THNSL1: variants seen among roughly 807,000 people sequenced by gnomAD.
THNSL1 encodes the protein threonine synthase like 1, also known as threonine synthase-like 1.
Under a neutral mutation model 50.4 loss-of-function variants are expected in THNSL1, and 48 were observed. That is an observed-to-expected ratio of 0.95 (90% CI 0.76 to 1.21). THNSL1 has a LOEUF of 1.21. THNSL1 is among the 50% of genes most tolerant of loss of function. The pLI is 0.00. For synonymous variants in THNSL1, 309 were observed against 306.1 expected, an observed-to-expected ratio of 1.01 and a Z score of -0.10; for missense variants, 896 against 871.7, an observed-to-expected ratio of 1.03 and a Z score of -0.35.
At chr10:24,986,188 T>C in the THNSL1 span, among the ~76,000 whole-genome samples, 2 of 152,236 alleles carry the variant, frequency 1.3e-5, no homozygotes, top group African/African-American at 4.8e-5. Flanking sequence ...TATATAATTA[T>C]GCTGTCATAG....
chr10:24,971,661 G>C, the THNSL1 span, among the ~76,000 whole-genome samples: 10 of 152,092 alleles, frequency 6.6e-5, no homozygotes, highest in Non-Finnish European at 1.2e-4. Context: ...TTTTAAAAAA[G>C]GTAACATCTA....
the THNSL1 span, among the ~76,000 whole-genome samples, chr10:24,960,671 C>A: frequency 6.6e-6 from 1 of 152,090 alleles, no homozygotes; most frequent in Non-Finnish European, 1.5e-5. Flanking sequence ...AAGTGATCCA[C>A]CTGCCTCAGC....
At chr10:24,990,583 T>A in the THNSL1 span, 1 of 1,612,210 alleles carries the variant, frequency 6.2e-7, no homozygotes, top group Non-Finnish European at 8.5e-7. Context: ...TTCGCTTACA[T>A]ATGTATTCAG....
At chr10:25,015,499 A>G (rs1850546764), upstream of THNSL1, among the ~76,000 whole-genome samples, 1 of 152,218 alleles carries the variant, frequency 6.6e-6, no homozygotes, top group African/African-American at 2.4e-5. Context: ...CCAAACATCA[A>G]GTATCCTTAA....
At chr10:24,988,702 A>ATG in the THNSL1 span, among the ~76,000 whole-genome samples, 115 of 41,164 alleles carry the variant, frequency 2.8e-3, 3 homozygotes, top group African/African-American at 0.014. Context: ...ATATATATAT[A>ATG]TATATATATA....
At chr10:24,995,756 T>C in the THNSL1 span, 2 of 1,614,084 alleles carry the variant, frequency 1.2e-6, no homozygotes, top group Non-Finnish European at 1.7e-6. Context: ...CCCATGATGA[T>C]ATCAGCTGCA....
the THNSL1 span, among the ~76,000 whole-genome samples, chr10:24,990,000 C>T: frequency 1.3e-5 from 2 of 151,996 alleles, no homozygotes; most frequent in East Asian, 3.9e-4. Context: ...AACCTAGCAC[C>T]TGTTTATTTA....
At chr10:24,957,580 A>G in the THNSL1 span, among the ~76,000 whole-genome samples, 64,631 of 151,676 alleles carry the variant, frequency 0.43, 14,049 homozygotes, top group African/African-American at 0.53. Context: ...TCTCAGATTC[A>G]GGTGATTGTC....
the THNSL1 span, among the ~76,000 whole-genome samples, chr10:24,990,898 G>A: frequency 6.6e-6 from 1 of 152,108 alleles, no homozygotes; most frequent in Non-Finnish European, 1.5e-5. Flanking sequence ...TCAGGAGTTC[G>A]AGACCAGCCT....
At chr10:24,985,528 G>A in the THNSL1 span, among the ~76,000 whole-genome samples, 1 of 152,160 alleles carries the variant, frequency 6.6e-6, no homozygotes, top group Non-Finnish European at 1.5e-5. Flanking sequence ...ATAAATGATT[G>A]AAAGGTCATT....
At chr10:25,020,186 A>T (rs1850688454) in intron 1 of THNSL1, among the ~76,000 whole-genome samples, 1 of 151,830 alleles carries the variant, frequency 6.6e-6, no homozygotes, top group African/African-American at 2.4e-5. Context: ...TGTTTGTGGG[A>T]AATAATATTG....
chr10:24,971,107 T>G, the THNSL1 span, among the ~76,000 whole-genome samples: 1 of 135,188 alleles, frequency 7.4e-6, no homozygotes, highest in Admixed American at 7.2e-5. Context: ...ACTCACTGCT[T>G]TTTTTTTTTT....
At chr10:25,009,502 T>A in the THNSL1 span, among the ~76,000 whole-genome samples, 1 of 152,194 alleles carries the variant, frequency 6.6e-6, no homozygotes, top group African/African-American at 2.4e-5. Flanking sequence ...TAAATCCTTG[T>A]TGATAAGGTA....
chr10:24,984,613 T>C, the THNSL1 span: 3 of 1,077,256 alleles, frequency 2.8e-6, no homozygotes, highest in African/African-American at 1.6e-5. Context: ...CTAAGCATTC[T>C]GATTAAGACT....
upstream of THNSL1, among the ~76,000 whole-genome samples, chr10:25,013,294 T>TAAATTTGC: frequency 6.6e-6 from 1 of 152,354 alleles, no homozygotes; most frequent in African/African-American, 2.4e-5. Flanking sequence ...ACATATTTAT[T>TAAATTTGC]AAATTTGCAA....
In THNSL1 at chr10:25,021,978, A is replaced by T. The variant is rs1418308507; in HGVS notation, c.-49+70A>T. ...TTACAGAACAGAGTTTAAGTAGCATAGAAAGTCAGTATTACATGATTAAAA... is the reference window on the plus strand; with the variant it reads ...TTACAGAACAGAGTTTAAGTAGCATTGAAAGTCAGTATTACATGATTAAAA... On this transcript the variant is annotated intron_variant, in intron 2 of 2. Coordinates refer to ENST00000376356, the MANE Select transcript of THNSL1 (RefSeq NM_024838.5). The T allele has an allele frequency of 2.0e-5, 3 of 152,236 alleles. No homozygotes were observed. The East Asian group carries it at 5.8e-4, about 29-fold the overall frequency. 9.4% of individuals were successfully genotyped at this position (152,236 alleles called of 1,614,324 possible).
chr10:25,016,118 A>C (rs1310655834), upstream of THNSL1: 3 of 1,276,342 alleles, frequency 2.4e-6, no homozygotes, highest in East Asian at 3.1e-5. Context: ...CGGGAAGAAA[A>C]CACCCTATTT....
At chr10:24,961,789 A>G in the THNSL1 span, among the ~76,000 whole-genome samples, 1 of 152,230 alleles carries the variant, frequency 6.6e-6, no homozygotes, top group African/African-American at 2.4e-5. Flanking sequence ...TGAAAAGTTT[A>G]TGGTGCTGTG....
At chr10:24,974,558 G>A in the THNSL1 span, among the ~76,000 whole-genome samples, 1 of 152,132 alleles carries the variant, frequency 6.6e-6, no homozygotes. Context: ...ATATAACAAT[G>A]CAGATTTTAC....
Sources: gnomAD v4.1 joint callset for allele counts (sites outside exome capture counted in the v4.1 genomes callset) on GRCh38, gnomAD v4.1.1 for gene constraint, MANE v1.5 for transcripts, NCBI Gene and HGNC (gene_info 2026-07-23, HGNC 2026-07-21) for gene names.